Variants in TBX10 observed in about 807,000 individuals in gnomAD.
TBX10 encodes the protein T-box transcription factor TBX10.
Under a neutral mutation model 32.4 loss-of-function variants are expected in TBX10, and 26 were observed. The ratio of observed to expected loss-of-function variants is 0.80; its 90% CI spans 0.59 to 1.11. The LOEUF (loss-of-function observed/expected upper bound fraction) is 1.11. TBX10 is among the 50% of genes most tolerant of loss of function. TBX10 has a pLI of 0.00. For missense variants in TBX10, 490 were observed against 494.5 expected, an observed-to-expected ratio of 0.99 and a Z score of 0.09; for synonymous variants, 195 against 203.1, an observed-to-expected ratio of 0.96 and a Z score of 0.34.
Position 67,639,551 on chromosome 11 carries a change from C to CA in TBX10, c.-80dup. 1 of 1,594,412 alleles carries CA rather than the reference C, an allele frequency of 6.3e-7. No homozygotes were observed. The highest frequency in any genetic ancestry group is 1.3e-5 in the African/African-American group (1 of 74,562). On this transcript the variant is annotated 5_prime_UTR_variant, in exon 1 of 8. Coordinates refer to ENST00000335385, the MANE Select transcript of TBX10 (RefSeq NM_005995.5). ...GAACCTGCCTGCTGGAAGGGGTGGT[C>CA]ACCACTCGTCCACTCGGCACCTCAG...
intron 4 of TBX10, 74 bp from the exon 5 acceptor site, chr11:67,633,177 C>T: frequency 3.9e-6 from 6 of 1,556,566 alleles, no homozygotes; most frequent in Non-Finnish European, 5.2e-6. Context: ...GAGTCCTTCC[C>T]TCCAAGCCGG....
At chr11:67,634,973 C>T in intron 2 of TBX10, 23 bp downstream of exon 2, 1 of 1,613,318 alleles carries the variant, frequency 6.2e-7, no homozygotes, top group Non-Finnish European at 8.5e-7. Context: ...GCCCCTGCCT[C>T]ACCCCGCCCC....
chr11:67,632,537 A>T, intron 6 of TBX10, 66 bp downstream of exon 6: 1 of 1,595,736 alleles, frequency 6.3e-7, no homozygotes, highest in Non-Finnish European at 8.6e-7. Flanking sequence ...AACAAGGGTC[A>T]GGAACTGAGG....
chr11:67,639,393 T>TTGCCCGGGGGGGGCCCCCCCCCCCCCCC, intron 1 of TBX10, 73 bp downstream of exon 1: 1 of 726,926 alleles, frequency 1.4e-6, no homozygotes, highest in Non-Finnish European at 2.5e-6. Flanking sequence ...CTGTCTTGGT[T>TTGCCCGGGGGGGGCCCCCCCCCCCCCCC]CCCACCCTGC....
intron 4 of TBX10, among the ~76,000 whole-genome samples, chr11:67,633,754 T>G (rs1855276453): frequency 6.6e-6 from 1 of 152,128 alleles, no homozygotes; most frequent in Non-Finnish European, 1.5e-5. Flanking sequence ...CCCCCTTCCG[T>G]ACCTCTGCTT....
chr11:67,639,393 T>TGCCCCCCCCCCCCCCCC, intron 1 of TBX10, 73 bp downstream of exon 1: 9 of 726,910 alleles, frequency 1.2e-5, no homozygotes, highest in East Asian at 8.2e-5. Context: ...CTGTCTTGGT[T>TGCCCCCCCCCCCCCCCC]CCCACCCTGC....
chr11:67,641,112 A>G (rs1485077278), upstream of TBX10, among the ~76,000 whole-genome samples: 4 of 151,932 alleles, frequency 2.6e-5, no homozygotes, highest in African/African-American at 9.7e-5. Flanking sequence ...TGGCCATGGC[A>G]TGGTGGGTGG....
rs945114355 is a variant in TBX10 at position 67,631,330 on chromosome 11, G to A, written c.*275C>T. The A allele has an allele frequency of 2.9e-5, 15 of 523,428 alleles. No individual in the cohort carries two copies. Among genetic ancestry groups the A allele is most frequent in the Non-Finnish European group, 4.2e-5 (12 of 288,330 alleles). The allele number at this position is 523,428 out of a possible 1,614,324, so 32.4% of individuals were successfully genotyped here. Reference sequence around the variant, plus strand: ...ATGCCAAATAGTTTAATGTTAGGGGGAAGGGAGAGGTAAGGCAGGGTTTTC... The same window carrying A: ...ATGCCAAATAGTTTAATGTTAGGGGAAAGGGAGAGGTAAGGCAGGGTTTTC... On this transcript the variant is annotated 3_prime_UTR_variant, in exon 8 of 8. Coordinates refer to ENST00000335385, the MANE Select transcript of TBX10 (RefSeq NM_005995.5).
intron 7 of TBX10, 98 bp downstream of exon 7, chr11:67,632,220 C>T: frequency 7.1e-7 from 1 of 1,409,660 alleles, no homozygotes; most frequent in South Asian, 1.2e-5. Flanking sequence ...TGTGGGTTCG[C>T]TGAGCTGCTG....
chr11:67,633,055 A>G lies in TBX10; in HGVS notation c.598T>C (p.Phe200Leu). 6.2e-7 allele frequency: 1 copy of G among 1,614,148 alleles called. No individual in the cohort carries two copies. The highest frequency in any genetic ancestry group is 2.2e-5 in the East Asian group (1 of 44,882). Residue 200 changes from phenylalanine (F) to leucine (L), a missense_variant, in exon 5 of 8, where the codon TTC becomes CTC. By Grantham distance (22) the Phe-to-Leu change is conservative. Around this residue, in one of 3 missense-constraint regions of TBX10, gnomAD observed 307 missense variants for 294.9 expected, o/e 1.04. Coordinates refer to ENST00000335385, the MANE Select transcript of TBX10 (RefSeq NM_005995.5). ...TCACTGTCCTTGCGTGGGTCCACGA[A>G]GACCACGTGGAAACGGGGCTGGTAG... ...HRYQPRFHVV[F>L]VDPRKDSERY... is the part of the protein sequence containing the mutation.
intron 1 of TBX10, among the ~76,000 whole-genome samples, chr11:67,638,801 T>C (rs906643564): frequency 6.6e-6 from 1 of 152,208 alleles, no homozygotes; most frequent in Middle Eastern, 3.2e-3. Context: ...GATGTCCCCC[T>C]GCCCCTGTGG....
At chr11:67,634,166 C>T in intron 4 of TBX10, 23 bp downstream of exon 4, 4 of 1,610,940 alleles carry the variant, frequency 2.5e-6, no homozygotes, top group East Asian at 2.2e-5. Flanking sequence ...GCCCTTCCGT[C>T]CCCACCGTGG....
chr11:67,639,200 G>A (rs1231145790), intron 1 of TBX10, among the ~76,000 whole-genome samples: 2 of 152,238 alleles, frequency 1.3e-5, no homozygotes, highest in Non-Finnish European at 2.9e-5. Context: ...AGGAGCTGGG[G>A]CTCAGGGAGA....
intron 1 of TBX10, among the ~76,000 whole-genome samples, chr11:67,635,707 G>A (rs918918713): frequency 1.3e-5 from 2 of 151,980 alleles, no homozygotes; most frequent in African/African-American, 4.8e-5. Context: ...GAGGGGGCAG[G>A]GGTCTTCCCC....
Position 67,631,578 on chromosome 11 carries a change from C to A in TBX10, c.*27G>T. ...ACACCCGGTGTAAGGTCCAGGGTAG[C>A]AGGGCTTCCCCCCAGGGCTTCTGGC... On this transcript the variant is annotated 3_prime_UTR_variant, in exon 8 of 8. Coordinates refer to ENST00000335385, the MANE Select transcript of TBX10 (RefSeq NM_005995.5). The A allele has an allele frequency of 6.3e-7, 1 of 1,577,866 alleles. No individual in the cohort carries two copies.
chr11:67,640,934 G>A (rs747926036), upstream of TBX10, among the ~76,000 whole-genome samples: 3 of 152,162 alleles, frequency 2.0e-5, no homozygotes, highest in East Asian at 1.9e-4. Context: ...GGCTCTGGGG[G>A]ATGTAAAAGG....
In TBX10 at chr11:67,634,708, C is replaced by A; in HGVS notation, c.377+108G>T. 11 of 1,264,640 alleles carry A rather than the reference C, an allele frequency of 8.7e-6. No individual in the cohort carries two copies. The South Asian group carries it at 1.2e-4, about 14-fold the overall frequency. 78.3% of individuals were successfully genotyped at this position (1,264,640 alleles called of 1,614,324 possible). On this transcript the variant is annotated intron_variant, in intron 3 of 7. Transcript: ENST00000335385. The stretch of plus-strand genomic sequence containing the variant: ...CGTCCTGCCCTTAGGCTGGACCTCC[C>A]TGGCATTGTTTGGACAGGCCCCTGC...
intron 6 of TBX10, 76 bp from the exon 7 acceptor site, chr11:67,632,488 T>G: frequency 6.3e-7 from 1 of 1,584,968 alleles, no homozygotes; most frequent in Non-Finnish European, 8.6e-7. Context: ...CAGCTTCAGA[T>G]GGTGGGGCCC....
Position 67,631,565 on chromosome 11 carries a change from A to T in TBX10, c.*40T>A. The T allele has an allele frequency of 6.4e-7, 1 of 1,566,438 alleles. No homozygotes were observed. Among genetic ancestry groups the T allele is most frequent in the Non-Finnish European group, 8.6e-7 (1 of 1,163,408 alleles). ...GAGGCTGATTCCCACACCCGGTGTAAGGTCCAGGGTAGCAGGGCTTCCCCC... is the reference window on the plus strand; with the variant it reads ...GAGGCTGATTCCCACACCCGGTGTATGGTCCAGGGTAGCAGGGCTTCCCCC... On this transcript the variant is annotated 3_prime_UTR_variant, in exon 8 of 8. Transcript: ENST00000335385.
Sources: gnomAD v4.1 joint callset for allele counts (sites outside exome capture counted in the v4.1 genomes callset) on GRCh38, gnomAD v4.1.1 for gene constraint, gnomAD v4.1.1 regional missense constraint, MANE v1.5 for transcripts, NCBI Gene and HGNC (gene_info 2026-07-23, HGNC 2026-07-21) for gene names.